AKAP1: variants seen among roughly 807,000 people sequenced by gnomAD.
AKAP1 encodes A-kinase anchor protein 1, mitochondrial.
Under a neutral mutation model 79.8 loss-of-function variants are expected in AKAP1, and 32 were observed. The ratio of observed to expected loss-of-function variants is 0.40; its 90% confidence interval spans 0.30 to 0.54. AKAP1 has a LOEUF of 0.54. AKAP1 is among the 20% of genes least tolerant of loss of function. AKAP1 has a pLI of 0.47. For synonymous variants in AKAP1, 416 were observed against 466.7 expected, an observed-to-expected ratio of 0.89 and a Z score of 1.40; for missense variants, 961 against 1,138.9, an observed-to-expected ratio of 0.84 and a Z score of 2.25.
chr17:57,093,500 T>C (rs141131210), intron 1 of AKAP1: 26 of 152,352 alleles, frequency 1.7e-4, no homozygotes, highest in East Asian at 1.3e-3. Context: ...ATTACTATTA[T>C]GTCAGCTGGG....
intron 1 of AKAP1, among the ~76,000 whole-genome samples, chr17:57,100,494 G>A (rs1407202159): frequency 1.3e-5 from 2 of 151,240 alleles, no homozygotes; most frequent in East Asian, 3.9e-4. Context: ...CCGTGTGCCT[G>A]TAATCCCAGC....
intron 2 of AKAP1, chr17:57,108,036 C>G (rs568694201): frequency 8.1e-7 from 1 of 1,235,654 alleles, no homozygotes; most frequent in Non-Finnish European, 1.0e-6. Flanking sequence ...CAGTTCAGAC[C>G]GCTAACTTAC....
Position 57,105,450 on chromosome 17 carries a change from CT to C in AKAP1, c.-13del, listed in dbSNP as rs3833091. 684,545 of 1,613,418 alleles carry C rather than the reference CT, an allele frequency of 0.42. 149,776 individuals carry two copies. Among genetic ancestry groups the C allele is most frequent in the East Asian group, 0.75 (33,791 of 44,848 alleles). ...CTCCTGCTCTCCCCAGGTGTAATTA[CT>C]TCAAGCCTCCAGGATGGCAATCCAG... On this transcript the variant is annotated 5_prime_UTR_variant, in exon 2 of 11. Transcript: ENST00000337714.
At position 57,085,280 on chromosome 17, in the gene AKAP1, C is replaced by T. The variant is rs1206944002; in HGVS notation, c.-143C>T. 6.6e-6 allele frequency: 1 copy of T among 151,034 alleles called. No homozygotes were observed. Among genetic ancestry groups the T allele is most frequent in the East Asian group, 1.9e-4 (1 of 5,164 alleles). The allele number at this position is 151,034 out of a possible 1,614,324, so 9.4% of individuals were successfully genotyped here. ...TGTCTCTGTGTTCCACCCGCCTGGG[C>T]TAGCACGTGGGGGAGCTGCGGAAGC... On this transcript the variant is annotated 5_prime_UTR_variant, in exon 1 of 11. Transcript: ENST00000337714.
chr17:57,097,851 C>T (rs1253741403), intron 1 of AKAP1, among the ~76,000 whole-genome samples: 8 of 152,250 alleles, frequency 5.3e-5, no homozygotes, highest in Non-Finnish European at 1.5e-5. Context: ...CCACATTGGG[C>T]TTGTTGGGCA....
In AKAP1 at chr17:57,101,160, T is replaced by C. The variant is rs550757714; in HGVS notation, c.-24-4281T>C. Among the ~76,000 whole-genome samples, 3 of 152,360 alleles carry C rather than the reference T, an allele frequency of 2.0e-5. No individual in the cohort carries two copies. In the East Asian group the frequency reaches 5.8e-4, roughly 29 times the overall value. ...AAGCAAATACAAGGCAAATCTCCCA[T>C]CATTACCACTTTTTTGGGTGTGGGC... On this transcript the variant is annotated intron_variant, in intron 1 of 10. Coordinates refer to ENST00000337714, the MANE Select transcript of AKAP1 (RefSeq NM_003488.4).
rs4583 is a variant in AKAP1, at chr17:57,120,441, C to A, written c.*117C>A. 0.46 allele frequency: 411,633 copies of A among 892,438 alleles called. 99,689 individuals are homozygous for A. The highest frequency in any genetic ancestry group is 0.58 in the South Asian group (33,780 of 58,488). The allele number at this position is 892,438 out of a possible 1,614,324, so 55.3% of individuals were successfully genotyped here. ...GTCCTCTCCAGAAAGTCCTTTCTTTCTCCATACTGTAGTCCTATTGAGAAG... is the reference window on the plus strand; with the variant it reads ...GTCCTCTCCAGAAAGTCCTTTCTTTATCCATACTGTAGTCCTATTGAGAAG... On this transcript the variant is annotated 3_prime_UTR_variant, in exon 11 of 11. Coordinates refer to ENST00000337714, the MANE Select transcript of AKAP1 (RefSeq NM_003488.4).
At chr17:57,097,966 C>A (rs902860445) in intron 1 of AKAP1, among the ~76,000 whole-genome samples, 1 of 152,228 alleles carries the variant, frequency 6.6e-6, no homozygotes, top group African/African-American at 2.4e-5. Context: ...GGGACCAACA[C>A]TCTCTGTACC....
In AKAP1 at chr17:57,106,611, G is replaced by C. The variant is rs758461101; in HGVS notation, c.1147G>C (p.Gly383Arg). ...TGTGTGTCAGGCCAGTCAGCTCCAA[G>C]GGCAGAAGGAAGAGAGCTGTGTCCC... ...GRVCQASQLQ[G>R]QKEESCVPVH... Residue 383 changes from glycine (G) to arginine (R), a missense_variant, in exon 2 of 11, where the codon GGG (glycine) becomes CGG (arginine). Gly to Arg is a moderately radical substitution (Grantham distance 125). Coordinates refer to ENST00000337714, the MANE Select transcript of AKAP1 (RefSeq NM_003488.4). 122 of 1,614,068 alleles carry C rather than the reference G, an allele frequency of 7.6e-5. No individual in the cohort carries two copies. Among genetic ancestry groups the C allele is most frequent in the Non-Finnish European group, 9.8e-5 (116 of 1,180,040 alleles).
At chr17:57,115,945 G>A (rs1915551574) in intron 6 of AKAP1, among the ~76,000 whole-genome samples, 166 bp from the exon 7 acceptor site, 1 of 152,094 alleles carries the variant, frequency 6.6e-6, no homozygotes, top group South Asian at 2.1e-4. Flanking sequence ...GGCTGGTCTT[G>A]GGCTTGGGGG....
At position 57,118,457 on chromosome 17, in the gene AKAP1, G is replaced by T; in HGVS notation, c.2574+3G>T. On this transcript the variant is annotated splice_donor_region_variant and intron_variant, in intron 9 of 10. Coordinates refer to ENST00000337714, the MANE Select transcript of AKAP1 (RefSeq NM_003488.4). The stretch of plus-strand genomic sequence containing the variant: ...GGAATACAGCACTGCTTGCTCAGGT[G>T]TGTGGTTGGCAGGGGTGGGGGAGGC... The T allele has an allele frequency of 6.2e-7, 1 of 1,613,864 alleles. No homozygotes were observed. The highest frequency in any genetic ancestry group is 8.5e-7 in the Non-Finnish European group (1 of 1,179,866).
At position 57,107,106 on chromosome 17, in the gene AKAP1, CT is replaced by C; in HGVS notation, c.1643del (p.Leu548ArgfsTer71). ...TACTGTGCCCTTCAGCAATGGGGTG[CT>C]GAAGGGGGAGTTGTCAGACTTGGGG... ...ESTVPFSNGV[L>X]KGELSDLGAE... On this transcript the variant is annotated frameshift_variant, in exon 2 of 11. Coordinates refer to ENST00000337714, the MANE Select transcript of AKAP1 (RefSeq NM_003488.4). LOFTEE classifies it high-confidence loss of function. The C allele has an allele frequency of 6.2e-7, 1 of 1,614,142 alleles. No homozygotes were observed. The highest frequency in any genetic ancestry group is 8.5e-7 in the Non-Finnish European group (1 of 1,180,004).
chr17:57,100,087 A>C (rs1011432140), intron 1 of AKAP1, among the ~76,000 whole-genome samples: 1 of 152,164 alleles, frequency 6.6e-6, no homozygotes, highest in African/African-American at 2.4e-5. Flanking sequence ...TTTTGAGCAG[A>C]CAGCCAATTA....
intron 3 of AKAP1, 131 bp from the exon 4 acceptor site, chr17:57,111,667 G>A: frequency 8.4e-7 from 1 of 1,189,438 alleles, no homozygotes; most frequent in Non-Finnish European, 1.2e-6. Context: ...AATAGTCCTG[G>A]AAAATAAATG....
At chr17:57,098,952 TAGA>T in intron 1 of AKAP1, among the ~76,000 whole-genome samples, 1 of 151,162 alleles carries the variant, frequency 6.6e-6, no homozygotes, top group Non-Finnish European at 1.5e-5. Flanking sequence ...GTATTTTTAG[TAGA>T]GGCGGGGTTT....
At chr17:57,089,497 A>G (rs1773570605) in intron 1 of AKAP1, among the ~76,000 whole-genome samples, 1 of 152,152 alleles carries the variant, frequency 6.6e-6, no homozygotes, top group Non-Finnish European at 1.5e-5. Flanking sequence ...CATTAGCCAC[A>G]TTTCAGGTTC....
chr17:57,102,086 C>A lies in AKAP1; in HGVS notation c.-24-3355C>A, dbSNP rs957940197. Among the ~76,000 whole-genome samples, 3 of 152,146 alleles carry A rather than the reference C, an allele frequency of 2.0e-5. No homozygotes were observed. In the South Asian group the frequency reaches 6.2e-4, roughly 32 times the overall value. ...TGATGCCTCAGCCTGTGCAGAGGTA[C>A]GTGGGTTAAAAACATTTTGAAAAAA... On this transcript the variant is annotated intron_variant, in intron 1 of 10. Transcript: ENST00000337714.
At position 57,120,919 on chromosome 17, in the gene AKAP1, T is replaced by A. The variant is rs1597997574; in HGVS notation, c.*595T>A. On this transcript the variant is annotated 3_prime_UTR_variant, in exon 11 of 11. Coordinates refer to ENST00000337714, the MANE Select transcript of AKAP1 (RefSeq NM_003488.4). ...GGTCATCACATCTGACCTTGGTCAG[T>A]GGGGAGGGGAACTGGTATCCTGCCA... The A allele has an allele frequency of 6.6e-6, 1 of 152,658 alleles. No individual in the cohort carries two copies. The highest frequency in any genetic ancestry group is 2.4e-5 in the African/African-American group (1 of 41,442). 9.5% of individuals were successfully genotyped at this position (152,658 alleles called of 1,614,324 possible).
At chr17:57,100,428 AAC>A (rs71363890) in intron 1 of AKAP1, among the ~76,000 whole-genome samples, 18 of 149,772 alleles carry the variant, frequency 1.2e-4, no homozygotes, top group South Asian at 8.4e-4. Flanking sequence ...TCTCTGCTAA[AAC>A]ACACACACAC....
Sources: gnomAD v4.1 joint callset for allele counts (sites outside exome capture counted in the v4.1 genomes callset) on GRCh38, gnomAD v4.1.1 for gene constraint, MANE v1.5 for transcripts, NCBI Gene and HGNC (gene_info 2026-07-23, HGNC 2026-07-21) for gene names.